Variants in LRRIQ1 observed in about 807,000 individuals in gnomAD.
LRRIQ1 encodes the protein leucine rich repeats and IQ motif containing 1.
Under a neutral mutation model 211.9 loss-of-function variants are expected in LRRIQ1, and 210 were observed. That is an observed-to-expected ratio of 0.99 (90% confidence interval 0.89 to 1.11). The LOEUF (loss-of-function observed/expected upper bound fraction) is 1.11. LRRIQ1 is among the 50% of genes most tolerant of loss of function. The probability of loss-of-function intolerance (pLI) is 0.00; values close to 1 mark genes in which losing one functional copy is unlikely to be tolerated. For synonymous variants in LRRIQ1, 699 were observed against 650.1 expected, an observed-to-expected ratio of 1.08 and a Z score of -1.14; for missense variants, 2,136 against 1,939.5, an observed-to-expected ratio of 1.10 and a Z score of -1.90.
chr12:85,094,938 G>A (rs527257772), intron 11 of LRRIQ1, among the ~76,000 whole-genome samples: 13 of 152,008 alleles, frequency 8.6e-5, no homozygotes, highest in Non-Finnish European at 1.6e-4. Flanking sequence ...CTGGTGTATA[G>A]AAATGCTACT....
intron 15 of LRRIQ1, among the ~76,000 whole-genome samples, chr12:85,116,555 T>G (rs1565844241): frequency 6.6e-6 from 1 of 152,200 alleles, no homozygotes; most frequent in African/African-American, 2.4e-5. Context: ...TTTCTTTTTT[T>G]CTGTTACTTT....
At chr12:85,210,441 A>G (rs1032569454) in intron 24 of LRRIQ1, among the ~76,000 whole-genome samples, 1 of 152,162 alleles carries the variant, frequency 6.6e-6, no homozygotes, top group African/African-American at 2.4e-5. Context: ...AATTTGTTGG[A>G]CTTGTTTTTC....
At chr12:85,080,807 C>G (rs560442741) in intron 11 of LRRIQ1, among the ~76,000 whole-genome samples, 2 of 151,480 alleles carry the variant, frequency 1.3e-5, no homozygotes, top group East Asian at 3.9e-4. Flanking sequence ...TCTGGATTTC[C>G]AGTGGGTAGT....
chr12:85,102,965 T>A (rs60629203), intron 13 of LRRIQ1, among the ~76,000 whole-genome samples: 3,338 of 128,558 alleles, frequency 0.026, 52 homozygotes, highest in South Asian at 0.039. Context: ...AAAAAATATA[T>A]ATATATATAT....
At chr12:85,242,501 A>T (rs1376291340) in intron 26 of LRRIQ1, among the ~76,000 whole-genome samples, 1 of 151,910 alleles carries the variant, frequency 6.6e-6, no homozygotes, top group African/African-American at 2.4e-5. Flanking sequence ...GGACATGAGC[A>T]TCCATGGATT....
At chr12:85,171,681 A>G (rs977283417) in intron 24 of LRRIQ1, among the ~76,000 whole-genome samples, 4 of 152,144 alleles carry the variant, frequency 2.6e-5, no homozygotes. Context: ...TGAAAGAGGT[A>G]ATTGAGATAA....
At chr12:85,222,683 T>C (rs1024685258) in intron 24 of LRRIQ1, among the ~76,000 whole-genome samples, 1 of 151,970 alleles carries the variant, frequency 6.6e-6, no homozygotes, top group Non-Finnish European at 1.5e-5. Flanking sequence ...TGGAGGGGAA[T>C]GTAAAAAGTC....
chr12:85,130,415 G>T (rs577104747), intron 18 of LRRIQ1, among the ~76,000 whole-genome samples: 1 of 152,290 alleles, frequency 6.6e-6, no homozygotes, highest in Middle Eastern at 3.4e-3. Flanking sequence ...ACATTTTTCA[G>T]CATTGACAGT....
chr12:85,152,386 A>G lies in LRRIQ1; in HGVS notation c.4419+17A>G. 1.3e-6 allele frequency: 2 copies of G among 1,589,608 alleles called. No individual in the cohort carries two copies. Among genetic ancestry groups the G allele is most frequent in the Non-Finnish European group, 1.7e-6 (2 of 1,161,004 alleles). On this transcript the variant is annotated intron_variant, in intron 20 of 26. Coordinates refer to ENST00000393217, the MANE Select transcript of LRRIQ1 (RefSeq NM_001079910.2). ...TGGCCAAAGGTAACATGTCATGGAA[A>G]CTTCTGAGTCCTCGATCTTTGCTCA...
At chr12:85,067,001 TTTTA>T in intron 10 of LRRIQ1, 103 bp downstream of exon 10, 1 of 563,912 alleles carries the variant, frequency 1.8e-6, no homozygotes, top group Non-Finnish European at 2.8e-6. Context: ...AATCTGCATA[TTTTA>T]TTTATGTTAT....
In LRRIQ1 at chr12:85,118,534, G is replaced by A. The variant is rs570806418; in HGVS notation, c.3378-3163G>A. 2.7e-4 allele frequency among the ~76,000 whole-genome samples: 34 copies of A among 128,224 alleles called. No individual in the cohort carries two copies. The South Asian group carries it at 8.9e-3, about 34-fold the overall frequency. 84.1% of individuals were successfully genotyped at this position (128,224 alleles called of 152,430 possible). ...TTTTTTTGCTTTTATAGAGGAAAAT[G>A]TATTTATCTATCTCTTGTAATTATT... On this transcript the variant is annotated intron_variant, in intron 15 of 26. Transcript: ENST00000393217.
At chr12:85,223,628 T>A (rs920137300) in intron 24 of LRRIQ1, among the ~76,000 whole-genome samples, 1 of 152,132 alleles carries the variant, frequency 6.6e-6, no homozygotes, top group Non-Finnish European at 1.5e-5. Context: ...GCCTATAGTT[T>A]AGAAGATTTG....
rs184297112 is a variant in LRRIQ1, at chr12:85,228,169, A to G, written c.4823-1348A>G. On this transcript the variant is annotated intron_variant, in intron 24 of 26. Coordinates refer to ENST00000393217, the MANE Select transcript of LRRIQ1 (RefSeq NM_001079910.2). ...ATGGCAACAAAAGCCAAAATTGACCAATGGGATCTAATTAAACTAAACAGC... is the reference window on the plus strand; with the variant it reads ...ATGGCAACAAAAGCCAAAATTGACCGATGGGATCTAATTAAACTAAACAGC... Among the ~76,000 whole-genome samples, 58 of 152,360 alleles carry G rather than the reference A, an allele frequency of 3.8e-4. 1 individual carries two copies. The highest frequency in any genetic ancestry group is 1.3e-3 in the African/African-American group (53 of 41,578).
chr12:85,242,882 G>GA (rs150018810), intron 26 of LRRIQ1, among the ~76,000 whole-genome samples: 1 of 151,584 alleles, frequency 6.6e-6, no homozygotes, highest in African/African-American at 2.4e-5. Flanking sequence ...TTCTACTTTG[G>GA]AAAAAATCAT....
At chr12:85,085,171 G>A (rs1000875884) in intron 11 of LRRIQ1, among the ~76,000 whole-genome samples, 17 of 152,062 alleles carry the variant, frequency 1.1e-4, no homozygotes, top group African/African-American at 4.1e-4. Context: ...TTTTCACAGT[G>A]TGATAAATAC....
At chr12:85,219,233 C>T (rs1894291679) in intron 24 of LRRIQ1, among the ~76,000 whole-genome samples, 1 of 152,050 alleles carries the variant, frequency 6.6e-6, no homozygotes, top group African/African-American at 2.4e-5. Flanking sequence ...TGAGGAAATA[C>T]AGCCCAGCTG....
At chr12:85,086,769 G>A (rs891953763) in intron 11 of LRRIQ1, among the ~76,000 whole-genome samples, 2 of 151,988 alleles carry the variant, frequency 1.3e-5, no homozygotes, top group Admixed American at 1.3e-4. Flanking sequence ...GAAAGTGACA[G>A]AGTGTTATAG....
chr12:85,062,801 A>G (rs1430418039), intron 8 of LRRIQ1, among the ~76,000 whole-genome samples: 1 of 151,746 alleles, frequency 6.6e-6, no homozygotes, highest in Non-Finnish European at 1.5e-5. Flanking sequence ...TGGCTTAACT[A>G]ATTTATATCT....
At chr12:85,229,717 A>G in intron 25 of LRRIQ1, 68 bp downstream of exon 25, 1 of 1,498,496 alleles carries the variant, frequency 6.7e-7, no homozygotes, top group Non-Finnish European at 9.1e-7. Flanking sequence ...AACCTAGGTT[A>G]ATTGTGCTAA....
Sources: gnomAD v4.1 joint callset for allele counts (sites outside exome capture counted in the v4.1 genomes callset) on GRCh38, gnomAD v4.1.1 for gene constraint, MANE v1.5 for transcripts, NCBI Gene and HGNC (gene_info 2026-07-23, HGNC 2026-07-21) for gene names.